Variants in TMEM132D observed in about 807,000 individuals in gnomAD.
The protein encoded by TMEM132D is transmembrane protein 132D, also known as mature OL transmembrane protein.
Under a neutral mutation model 62.3 loss-of-function variants are expected in TMEM132D, and 21 were observed. The observed-to-expected ratio is 0.34, with a 90% CI of 0.24 to 0.49. TMEM132D has a LOEUF of 0.49. Among genes scored for constraint, TMEM132D ranks in the 20% least tolerant of loss-of-function variants. The pLI is 0.99. For synonymous variants in TMEM132D, 621 were observed against 575.6 expected (o/e 1.08, Z -1.13); for missense variants, 1,346 against 1,402.8 (o/e 0.96, Z 0.65).
chr12:129,166,680 T>C (rs200803053), intron 5 of TMEM132D, among the ~76,000 whole-genome samples: 164 of 76,370 alleles, frequency 2.1e-3, no homozygotes, highest in Middle Eastern at 6.1e-3. Flanking sequence ...AGGACATATA[T>C]ATACACATAC....
chr12:129,279,936 T>G (rs1229058177), intron 4 of TMEM132D, among the ~76,000 whole-genome samples: 2 of 152,198 alleles, frequency 1.3e-5, no homozygotes, highest in Non-Finnish European at 2.9e-5. Flanking sequence ...AAGTGCAAAC[T>G]AGGCTAATAA....
chr12:129,169,440 C>G (rs1388030078), intron 5 of TMEM132D, among the ~76,000 whole-genome samples: 1 of 152,202 alleles, frequency 6.6e-6, no homozygotes. Flanking sequence ...GGGAAGCCAG[C>G]CTGGCTCCCC....
At chr12:129,137,542 G>A (rs1347601354) in intron 5 of TMEM132D, among the ~76,000 whole-genome samples, 1 of 152,210 alleles carries the variant, frequency 6.6e-6, no homozygotes, top group East Asian at 1.9e-4. Context: ...CTTTGAGTCT[G>A]ATGTTCAGTG....
At chr12:129,886,484 A>G (rs888758031) in intron 1 of TMEM132D, among the ~76,000 whole-genome samples, 1 of 152,178 alleles carries the variant, frequency 6.6e-6, no homozygotes, top group Non-Finnish European at 1.5e-5. Context: ...CCTTTAAAAC[A>G]TCCCCATTCC....
chr12:129,554,408 G>A (rs1198382290), intron 2 of TMEM132D, among the ~76,000 whole-genome samples: 2 of 152,166 alleles, frequency 1.3e-5, no homozygotes, highest in Admixed American at 1.3e-4. Context: ...GCAAGTGGAA[G>A]AGAAAGGTGG....
intron 4 of TMEM132D, among the ~76,000 whole-genome samples, chr12:129,239,784 T>A (rs903810810): frequency 1.3e-5 from 2 of 152,200 alleles, no homozygotes; most frequent in Non-Finnish European, 2.9e-5. Context: ...ATGGTTCTGC[T>A]AACACATTGA....
chr12:129,891,044 C>G (rs145039744), intron 1 of TMEM132D, among the ~76,000 whole-genome samples: 61 of 152,212 alleles, frequency 4.0e-4, no homozygotes, highest in African/African-American at 1.5e-3. Flanking sequence ...TGCTTGATAA[C>G]AGCGACGCCC....
intron 3 of TMEM132D, among the ~76,000 whole-genome samples, chr12:129,478,196 G>T (rs908234516): frequency 6.6e-6 from 1 of 152,192 alleles, no homozygotes; most frequent in African/African-American, 2.4e-5. Flanking sequence ...AATAAATCTT[G>T]CAGGTCTGGA....
At chr12:129,394,156 T>C (rs938783348) in intron 3 of TMEM132D, among the ~76,000 whole-genome samples, 1 of 152,210 alleles carries the variant, frequency 6.6e-6, no homozygotes, top group Non-Finnish European at 1.5e-5. Flanking sequence ...TTGATCAAAC[T>C]GTACAATCCT....
At chr12:129,235,828 G>T (rs1314901268) in intron 4 of TMEM132D, among the ~76,000 whole-genome samples, 10 of 151,844 alleles carry the variant, frequency 6.6e-5, no homozygotes, top group Admixed American at 3.3e-4. Flanking sequence ...TTGGCTATTT[G>T]GGGTCTTTTG....
rs114010507 is a variant in TMEM132D at position 129,825,485 on chromosome 12, A to G, written c.79+77776T>C. Among the ~76,000 whole-genome samples the G allele has an allele frequency of 8.2e-3, 1,250 of 152,172 alleles. 16 individuals carry two copies. Among genetic ancestry groups the G allele is most frequent in the African/African-American group, 0.029 (1,187 of 41,538 alleles). On this transcript the variant is annotated intron_variant, in intron 1 of 8. Transcript: ENST00000422113. ...TTACTGGCGAGAGGCTTGAGCTCCA[A>G]CCACCTTCCATAATGTCCTCTTGAC...
chr12:129,139,955 A>C (rs1025689949), intron 5 of TMEM132D, among the ~76,000 whole-genome samples: 8 of 151,754 alleles, frequency 5.3e-5, no homozygotes, highest in African/African-American at 1.9e-4. Context: ...GGCTCAAGCT[A>C]TCCTCCCTCC....
intron 4 of TMEM132D, among the ~76,000 whole-genome samples, chr12:129,245,462 G>A (rs1880071362): frequency 1.3e-5 from 2 of 152,066 alleles, no homozygotes; most frequent in Non-Finnish European, 2.9e-5. Flanking sequence ...ATCCATTAAG[G>A]GACATCTTGG....
chr12:129,528,714 A>G (rs1876128697), intron 3 of TMEM132D, among the ~76,000 whole-genome samples: 1 of 152,264 alleles, frequency 6.6e-6, no homozygotes, highest in African/African-American at 2.4e-5. Context: ...ATACATACAT[A>G]CCAGAGATAT....
At chr12:129,474,053 C>T (rs1364772794) in intron 3 of TMEM132D, among the ~76,000 whole-genome samples, 2 of 152,190 alleles carry the variant, frequency 1.3e-5, no homozygotes, top group Non-Finnish European at 2.9e-5. Flanking sequence ...AAGCAGATCA[C>T]TGCCTTTCAC....
chr12:129,846,929 CT>C (rs1253158261), intron 1 of TMEM132D, among the ~76,000 whole-genome samples: 1 of 152,166 alleles, frequency 6.6e-6, no homozygotes, highest in Admixed American at 6.5e-5. Context: ...CTTCTGCCCC[CT>C]CTCCCTTGGC....
chr12:129,276,416 G>T (rs1478339925), intron 4 of TMEM132D, among the ~76,000 whole-genome samples: 1 of 152,194 alleles, frequency 6.6e-6, no homozygotes, highest in Non-Finnish European at 1.5e-5. Flanking sequence ...ATATGAAAGA[G>T]AGCTACTTAT....
intron 3 of TMEM132D, among the ~76,000 whole-genome samples, chr12:129,372,107 G>T (rs1454741426): frequency 6.6e-6 from 1 of 152,220 alleles, no homozygotes; most frequent in African/African-American, 2.4e-5. Context: ...ACCCTTACCA[G>T]GGTGGGTGGG....
chr12:129,829,194 C>G (rs1020170814), intron 1 of TMEM132D, among the ~76,000 whole-genome samples: 1 of 151,814 alleles, frequency 6.6e-6, no homozygotes, highest in Admixed American at 6.6e-5. Flanking sequence ...CATCAAAGCA[C>G]AATGAGAATC....
Sources: allele counts gnomAD v4.1 joint callset (sites outside exome capture counted in the v4.1 genomes callset), GRCh38; gene constraint gnomAD v4.1.1; transcripts MANE v1.5; gene names NCBI Gene and HGNC (gene_info 2026-07-23, HGNC 2026-07-21).